The following SUN3 variants were observed in gnomAD, a reference collection of about 807,000 sequenced individuals.
SUN3 encodes SUN domain-containing protein 3.
In SUN3, 36 loss-of-function variants were observed where a neutral mutation model predicts 48.2. That is an observed-to-expected ratio of 0.75 (90% confidence interval 0.57 to 0.99). SUN3 has a LOEUF of 0.99. SUN3 is among the 50% of genes least tolerant of loss of function. The pLI is 0.00. For synonymous variants in SUN3, 148 were observed against 147.9 expected (o/e 1.00, Z 0.00); for missense variants, 419 against 433.1 (o/e 0.97, Z 0.29).
intron 3 of SUN3, among the ~76,000 whole-genome samples, chr7:48,009,871 G>T (rs1483976780): frequency 6.6e-6 from 1 of 152,074 alleles, no homozygotes; most frequent in Non-Finnish European, 1.5e-5. Context: ...CACCTGGAAT[G>T]GGGGAATGGC....
Position 47,999,909 on chromosome 7 carries a change from G to C in SUN3, c.578-3763C>G, listed in dbSNP as rs184608998. On this transcript the variant is annotated intron_variant, in intron 6 of 9. Coordinates refer to ENST00000297325, the MANE Select transcript of SUN3 (RefSeq NM_001030019.2). ...AATTGTTCTCATGATTACAACGCAC[G>C]TACCTAGCAGCTCATAGTTTATTTG... is the stretch of plus-strand genomic sequence containing the variant. Among the ~76,000 whole-genome samples the C allele has an allele frequency of 6.6e-5, 10 of 152,252 alleles. No homozygotes were observed. In the South Asian group the frequency reaches 1.5e-3, roughly 22 times the overall value.
chr7:47,992,423 A>G (rs1215032502), intron 8 of SUN3, among the ~76,000 whole-genome samples: 1 of 152,250 alleles, frequency 6.6e-6, no homozygotes. Context: ...AAAAGGGAAT[A>G]TGTATAGAAA....
intron 7 of SUN3, among the ~76,000 whole-genome samples, chr7:47,994,949 G>A (rs1379835187): frequency 6.6e-6 from 1 of 152,042 alleles, no homozygotes; most frequent in Admixed American, 6.6e-5. Context: ...GGTAGTAATG[G>A]TAGTGGTGGT....
At chr7:48,019,191 G>T (rs1486219454) in intron 2 of SUN3, among the ~76,000 whole-genome samples, 1 of 152,106 alleles carries the variant, frequency 6.6e-6, no homozygotes, top group Non-Finnish European at 1.5e-5. Context: ...CAGACACCAT[G>T]AAGTGGATCA....
At chr7:48,023,189 A>C (rs972502731) in intron 2 of SUN3, among the ~76,000 whole-genome samples, 3 of 152,220 alleles carry the variant, frequency 2.0e-5, no homozygotes, top group Non-Finnish European at 4.4e-5. Context: ...AAGCATAATT[A>C]TAAATCTATG....
intron 2 of SUN3, among the ~76,000 whole-genome samples, chr7:48,024,318 A>C (rs1300742067): frequency 6.6e-6 from 1 of 152,166 alleles, no homozygotes. Flanking sequence ...CCAACTCAAC[A>C]ACAAAAGGAC....
In SUN3 at chr7:47,987,253, T is replaced by C. The variant is rs1366282411; in HGVS notation, c.*77A>G. ...TCCCACTCCCAATTCTCAATTCCTA[T>C]GGGTGCGGTATCATCTAAGAGAATA... is the stretch of plus-strand genomic sequence containing the variant. On this transcript the variant is annotated 3_prime_UTR_variant, in exon 10 of 10. Transcript: ENST00000297325. 1 of 1,443,234 alleles carries C rather than the reference T, an allele frequency of 6.9e-7. No individual in the cohort carries two copies. Among genetic ancestry groups the C allele is most frequent in the East Asian group, 2.5e-5 (1 of 39,594 alleles). The allele number at this position is 1,443,234 out of a possible 1,614,324, so 89.4% of individuals were successfully genotyped here.
chr7:48,020,504 C>CG (rs1263131864), intron 2 of SUN3, among the ~76,000 whole-genome samples: 1 of 152,122 alleles, frequency 6.6e-6, no homozygotes, highest in Non-Finnish European at 1.5e-5. Flanking sequence ...GGCATCCAAA[C>CG]TGCAATGAAA....
At chr7:47,994,229 G>T in intron 8 of SUN3, 86 bp downstream of exon 8, 1 of 1,288,892 alleles carries the variant, frequency 7.8e-7, no homozygotes, top group African/African-American at 1.5e-5. Context: ...CTAGTTATCT[G>T]TCCTAGTTCA....
In SUN3 at chr7:47,987,426, T is replaced by C. The variant is rs1788931345; in HGVS notation, c.978A>G (p.Leu326=). ...ELQHAVSEYL[L]CVKLNIFSNW... is the part of the protein sequence containing the mutation. ...TGCTAAAGATATTAAGTTTCACACA[T>C]AATAAATATTCAGAAACTGCATGCT... The change falls in exon 10 of 10, where the codon TTA becomes TTG. Residue 326 remains leucine (L), a synonymous_variant. Coordinates refer to ENST00000297325, the MANE Select transcript of SUN3 (RefSeq NM_001030019.2). 2 of 1,577,446 alleles carry C rather than the reference T, an allele frequency of 1.3e-6. No homozygotes were observed. Among genetic ancestry groups the C allele is most frequent in the African/African-American group, 1.4e-5 (1 of 73,188 alleles).
chr7:47,994,991 G>A (rs368771575), intron 7 of SUN3, among the ~76,000 whole-genome samples: 23 of 152,250 alleles, frequency 1.5e-4, no homozygotes, highest in East Asian at 1.2e-3. Context: ...AGTGGTAGTG[G>A]TGATGGTGAT....
At chr7:47,999,405 G>A (rs999880142) in intron 6 of SUN3, among the ~76,000 whole-genome samples, 100 of 152,136 alleles carry the variant, frequency 6.6e-4, no homozygotes, top group African/African-American at 2.4e-3. Context: ...TCTGAATAGA[G>A]CCATTTTTTT....
intron 1 of SUN3, among the ~76,000 whole-genome samples, chr7:48,026,529 A>T (rs1168545927): frequency 6.6e-6 from 1 of 151,834 alleles, no homozygotes; most frequent in Non-Finnish European, 1.5e-5. Flanking sequence ...CTCACCCAGG[A>T]CTGGAAATTG....
At chr7:48,024,544 G>C (rs1790082971) in intron 2 of SUN3, among the ~76,000 whole-genome samples, 1 of 152,080 alleles carries the variant, frequency 6.6e-6, no homozygotes, top group Admixed American at 6.6e-5. Flanking sequence ...TGGACTTCTT[G>C]TTTTAATCCA....
upstream of SUN3, among the ~76,000 whole-genome samples, chr7:48,033,947 C>T (rs1034690962): frequency 1.3e-5 from 2 of 151,958 alleles, no homozygotes; most frequent in Admixed American, 6.5e-5. Flanking sequence ...CCAGCTACAC[C>T]GGAGGCTGAG....
At position 47,990,209 on chromosome 7, in the gene SUN3, C is replaced by T. The variant is rs192138558; in HGVS notation, c.862-1329G>A. 3.0e-3 allele frequency among the ~76,000 whole-genome samples: 456 copies of T among 152,152 alleles called. 5 individuals carry two copies. The highest frequency in any genetic ancestry group is 0.01 in the African/African-American group (417 of 41,494). On this transcript the variant is annotated intron_variant, in intron 8 of 9. Coordinates refer to ENST00000297325, the MANE Select transcript of SUN3 (RefSeq NM_001030019.2). ...CAATGGAATGTCTCGGTGTAAAACC[C>T]GATTGAATATCCCATCTCCTGAGAT...
At chr7:48,028,440 C>T (rs1390343584) in intron 1 of SUN3, among the ~76,000 whole-genome samples, 18 of 119,896 alleles carry the variant, frequency 1.5e-4, no homozygotes, top group Non-Finnish European at 4.8e-5. Flanking sequence ...CGGTGCTAAG[C>T]TCTGCATACC....
intron 6 of SUN3, among the ~76,000 whole-genome samples, chr7:48,000,735 GT>G (rs35109871): frequency 0.43 from 65,424 of 151,022 alleles, 14,333 homozygotes; most frequent in Middle Eastern, 0.56. Flanking sequence ...ATAATGTGTA[GT>G]TTTTTTTTAG....
At chr7:48,028,746 C>A in intron 1 of SUN3, 71 bp downstream of exon 1, 1 of 1,569,592 alleles carries the variant, frequency 6.4e-7, no homozygotes, top group Non-Finnish European at 8.7e-7. Flanking sequence ...AACAGATGAA[C>A]AGACACAAGT....
Sources: allele counts gnomAD v4.1 joint callset (sites outside exome capture counted in the v4.1 genomes callset), GRCh38; gene constraint gnomAD v4.1.1; transcripts MANE v1.5; gene names NCBI Gene and HGNC (gene_info 2026-07-23, HGNC 2026-07-21).